Variants in CSMD3 observed in about 807,000 individuals in gnomAD.
CSMD3 encodes the protein CUB and Sushi multiple domains 3.
In CSMD3, 177 loss-of-function variants were observed where a neutral mutation model predicts 435.2. That is an observed-to-expected ratio of 0.41 (90% confidence interval 0.36 to 0.46). The LOEUF (loss-of-function observed/expected upper bound fraction) is 0.46. Ranked by LOEUF, CSMD3 falls within the 20% of genes least tolerant of loss-of-function variation. The pLI, the probability that CSMD3 is intolerant of heterozygous loss-of-function variation, is 0.34. For synonymous variants in CSMD3, 1,656 were observed against 1,520.5 expected, an observed-to-expected ratio of 1.09 and a Z score of -2.07; for missense variants, 4,265 against 4,504.6, an observed-to-expected ratio of 0.95 and a Z score of 1.52.
chr8:112,529,185 A>G (rs1825283200), intron 27 of CSMD3, among the ~76,000 whole-genome samples: 1 of 152,138 alleles, frequency 6.6e-6, no homozygotes, highest in African/African-American at 2.4e-5. Flanking sequence ...AGAACTGGCA[A>G]CTATTTGCCA....
intron 12 of CSMD3, among the ~76,000 whole-genome samples, chr8:112,818,921 TTTTA>T (rs1479882398): frequency 6.6e-6 from 1 of 152,228 alleles, no homozygotes; most frequent in Non-Finnish European, 1.5e-5. Flanking sequence ...ATTTATTGTG[TTTTA>T]TTTCTTTTTT....
intron 25 of CSMD3, among the ~76,000 whole-genome samples, chr8:112,555,944 C>G (rs932083891): frequency 2.0e-5 from 3 of 151,928 alleles, no homozygotes; most frequent in Admixed American, 1.3e-4. Flanking sequence ...AGGCCTGACA[C>G]AGAATGGATT....
In CSMD3 at chr8:112,222,983, A is replaced by G. The variant is rs557579954; in HGVS notation, c.*1788T>C. ...TGTTTACATTGCACTGAAAATTTAC[A>G]TCATACTTTTACAAAGTTTCTTTTC... On this transcript the variant is annotated 3_prime_UTR_variant, in exon 71 of 71. Transcript: ENST00000297405. 2.0e-5 allele frequency: 8 copies of G among 397,726 alleles called. No individual in the cohort carries two copies. Among genetic ancestry groups the G allele is most frequent in the East Asian group, 1.1e-4 (3 of 27,912 alleles). The allele number at this position is 397,726 out of a possible 1,614,324, so 24.6% of individuals were successfully genotyped here.
chr8:113,153,174 A>AAGGAAGGAAGGAAGGAAGGAAG (rs2091864395), intron 4 of CSMD3, among the ~76,000 whole-genome samples: 5 of 64,848 alleles, frequency 7.7e-5, no homozygotes, highest in Non-Finnish European at 1.0e-4. Context: ...AAGGAAGGAA[A>AAGGAAGGAAGGAAGGAAGGAAG]GAAGGAAGGG....
intron 5 of CSMD3, among the ~76,000 whole-genome samples, chr8:113,049,710 T>C (rs903030155): frequency 1.3e-5 from 2 of 152,174 alleles, no homozygotes; most frequent in Non-Finnish European, 1.5e-5. Context: ...CAAGATCTGA[T>C]GGTAGCACGT....
chr8:112,368,107 A>G (rs1471255466), intron 38 of CSMD3, among the ~76,000 whole-genome samples: 1 of 152,274 alleles, frequency 6.6e-6, no homozygotes, highest in Middle Eastern at 3.4e-3. Context: ...AAATGCTCTT[A>G]TATCTATCTG....
intron 1 of CSMD3, among the ~76,000 whole-genome samples, chr8:113,417,945 A>T (rs1487014822): frequency 6.6e-6 from 1 of 152,114 alleles, no homozygotes; most frequent in Non-Finnish European, 1.5e-5. Context: ...GATTTACCTA[A>T]TAAAAATAAA....
At chr8:113,341,997 T>C (rs1006590987) in intron 1 of CSMD3, among the ~76,000 whole-genome samples, 2 of 152,014 alleles carry the variant, frequency 1.3e-5, no homozygotes, top group South Asian at 2.1e-4. Context: ...GAATTACCTA[T>C]GATGTTCACT....
intron 1 of CSMD3, among the ~76,000 whole-genome samples, chr8:113,411,703 A>T (rs1408839583): frequency 6.6e-6 from 1 of 152,140 alleles, no homozygotes; most frequent in African/African-American, 2.4e-5. Flanking sequence ...GAAATGCAAA[A>T]CCCATATATC....
At chr8:113,404,157 C>T (rs1162945265) in intron 1 of CSMD3, among the ~76,000 whole-genome samples, 1 of 151,192 alleles carries the variant, frequency 6.6e-6, no homozygotes, top group Non-Finnish European at 1.5e-5. Flanking sequence ...TTTAAAAATC[C>T]ATAGCTCTAT....
chr8:112,254,983 T>C (rs548465328), intron 62 of CSMD3, among the ~76,000 whole-genome samples: 8 of 152,250 alleles, frequency 5.3e-5, no homozygotes, highest in African/African-American at 1.9e-4. Context: ...TGTTAGTACT[T>C]AATAATGTCA....
intron 1 of CSMD3, among the ~76,000 whole-genome samples, chr8:113,341,138 T>C (rs1410356675): frequency 2.0e-5 from 3 of 152,178 alleles, no homozygotes; most frequent in Non-Finnish European, 2.9e-5. Context: ...TATACGTGTA[T>C]ATATATGTAA....
At chr8:113,196,431 G>A (rs2092656820) in intron 3 of CSMD3, among the ~76,000 whole-genome samples, 2 of 151,136 alleles carry the variant, frequency 1.3e-5, no homozygotes, top group South Asian at 4.1e-4. Flanking sequence ...CTGTTATATA[G>A]ACAAATGGAC....
chr8:113,211,454 C>T (rs1057259168), intron 3 of CSMD3, among the ~76,000 whole-genome samples: 3 of 152,070 alleles, frequency 2.0e-5, no homozygotes, highest in African/African-American at 7.2e-5. Context: ...ATATAAAGCA[C>T]CCAACAAAAT....
chr8:112,826,965 T>A (rs1302070185), intron 12 of CSMD3, among the ~76,000 whole-genome samples: 1 of 151,822 alleles, frequency 6.6e-6, no homozygotes, highest in Non-Finnish European at 1.5e-5. Flanking sequence ...TCAGAATTCA[T>A]GATTGTCTTC....
At chr8:112,602,699 G>A (rs1356048677) in intron 22 of CSMD3, among the ~76,000 whole-genome samples, 1 of 151,540 alleles carries the variant, frequency 6.6e-6, no homozygotes, top group Non-Finnish European at 1.5e-5. Flanking sequence ...TATTTAGTAT[G>A]TTATATGTAT....
At chr8:112,694,491 T>C (rs1441727798) in intron 13 of CSMD3, among the ~76,000 whole-genome samples, 2 of 152,284 alleles carry the variant, frequency 1.3e-5, no homozygotes, top group East Asian at 3.9e-4. Flanking sequence ...AGAGTGAGTG[T>C]TAATCTATTT....
At chr8:112,504,779 T>C (rs1323427041) in intron 29 of CSMD3, among the ~76,000 whole-genome samples, 3 of 152,104 alleles carry the variant, frequency 2.0e-5, no homozygotes, top group Non-Finnish European at 4.4e-5. Context: ...CTCATACATT[T>C]AGAAGACAGG....
chr8:112,851,091 T>C (rs2080471164), intron 11 of CSMD3, among the ~76,000 whole-genome samples: 1 of 152,184 alleles, frequency 6.6e-6, no homozygotes, highest in South Asian at 2.1e-4. Context: ...TCAATTTTAT[T>C]ATTGGATATG....
Sources: gnomAD v4.1 joint callset for allele counts (sites outside exome capture counted in the v4.1 genomes callset) on GRCh38, gnomAD v4.1.1 for gene constraint, MANE v1.5 for transcripts, NCBI Gene and HGNC (gene_info 2026-07-23, HGNC 2026-07-21) for gene names.